Variants in KCNQ5 observed in about 807,000 individuals in gnomAD.
The protein encoded by KCNQ5 is potassium voltage-gated channel subfamily KQT member 5.
In KCNQ5, 30 loss-of-function variants were observed where a neutral mutation model predicts 98.2. That is an observed-to-expected ratio of 0.31 (90% CI 0.23 to 0.41). KCNQ5 has a LOEUF of 0.41. Among genes scored for constraint, KCNQ5 ranks in the 10% least tolerant of loss-of-function variants. The probability of loss-of-function intolerance (pLI) is 1.00; values close to 1 mark genes in which losing one functional copy is unlikely to be tolerated. For synonymous variants in KCNQ5, 458 were observed against 449.4 expected, an observed-to-expected ratio of 1.02 and a Z score of -0.24; for missense variants, 835 against 1,182.5, an observed-to-expected ratio of 0.71 and a Z score of 4.31.
Position 72,774,452 on chromosome 6 carries a change from G to A in KCNQ5, c.398+151865G>A, listed in dbSNP as rs554282459. ...ATTTCTTAAACTAAAACAAAGGGTAGAAACCAAAAAATAAGATGTGCTATA... is the reference window on the plus strand; with the variant it reads ...ATTTCTTAAACTAAAACAAAGGGTAAAAACCAAAAAATAAGATGTGCTATA... On this transcript the variant is annotated intron_variant, in intron 1 of 13. Coordinates refer to ENST00000370398, the MANE Select transcript of KCNQ5 (RefSeq NM_019842.4). Among the ~76,000 whole-genome samples, 3 of 152,036 alleles carry A rather than the reference G, an allele frequency of 2.0e-5. No individual in the cohort carries two copies. The East Asian group carries it at 5.8e-4, about 29-fold the overall frequency.
intron 3 of KCNQ5, among the ~76,000 whole-genome samples, chr6:73,067,245 G>T (rs1164393560): frequency 6.6e-6 from 1 of 152,104 alleles, no homozygotes; most frequent in Non-Finnish European, 1.5e-5. Context: ...TCTGGAAACA[G>T]AAATTAGTTT....
At chr6:72,680,796 T>G (rs1767666184) in intron 1 of KCNQ5, among the ~76,000 whole-genome samples, 1 of 152,216 alleles carries the variant, frequency 6.6e-6, no homozygotes, top group South Asian at 2.1e-4. Flanking sequence ...ACCAAGGTAG[T>G]GCTATGAAAC....
At chr6:72,975,813 T>G (rs1389564351) in intron 1 of KCNQ5, among the ~76,000 whole-genome samples, 1 of 152,174 alleles carries the variant, frequency 6.6e-6, no homozygotes, top group Non-Finnish European at 1.5e-5. Context: ...CTGGCTCAGT[T>G]TGGTTGCAAG....
At chr6:73,029,169 G>A (rs1335846962) in intron 2 of KCNQ5, among the ~76,000 whole-genome samples, 1 of 152,134 alleles carries the variant, frequency 6.6e-6, no homozygotes, top group Non-Finnish European at 1.5e-5. Context: ...TAAGAGTGAT[G>A]GCTTATGTAC....
intron 2 of KCNQ5, among the ~76,000 whole-genome samples, chr6:73,026,920 A>G (rs1162206797): frequency 6.6e-6 from 1 of 152,048 alleles, no homozygotes; most frequent in Non-Finnish European, 1.5e-5. Flanking sequence ...AGACCCCTCC[A>G]TGCTTCTATC....
intron 1 of KCNQ5, among the ~76,000 whole-genome samples, chr6:72,715,166 GA>G (rs1301777689): frequency 2.0e-5 from 3 of 152,164 alleles, no homozygotes; most frequent in African/African-American, 7.2e-5. Flanking sequence ...TAATTTGACA[GA>G]GGTAAGTGAG....
chr6:73,112,749 T>C (rs1441310557), intron 7 of KCNQ5, among the ~76,000 whole-genome samples: 2 of 151,952 alleles, frequency 1.3e-5, no homozygotes, highest in East Asian at 1.9e-4. Flanking sequence ...CTGTGATATA[T>C]GCAGTGCCTC....
chr6:72,711,448 G>A (rs1769366520), intron 1 of KCNQ5, among the ~76,000 whole-genome samples: 2 of 152,190 alleles, frequency 1.3e-5, no homozygotes, highest in African/African-American at 4.8e-5. Context: ...CATGTGAAAA[G>A]CACTTGGTGC....
chr6:72,708,707 A>G (rs1478038097), intron 1 of KCNQ5, among the ~76,000 whole-genome samples: 2 of 152,084 alleles, frequency 1.3e-5, no homozygotes, highest in Non-Finnish European at 2.9e-5. Context: ...TTTTTTGTAG[A>G]GACGGTGTCT....
chr6:72,789,402 T>C (rs1053217095), intron 1 of KCNQ5, among the ~76,000 whole-genome samples: 1 of 152,186 alleles, frequency 6.6e-6, no homozygotes, highest in South Asian at 2.1e-4. Context: ...TCAGCTTAAC[T>C]GAAACTGAAA....
chr6:72,842,833 C>T (rs574389021), intron 1 of KCNQ5, among the ~76,000 whole-genome samples: 5 of 151,716 alleles, frequency 3.3e-5, no homozygotes, highest in East Asian at 1.9e-4. Flanking sequence ...TGATGGGGCT[C>T]TTTGTGTTTT....
At chr6:72,736,764 G>T (rs1005650261) in intron 1 of KCNQ5, among the ~76,000 whole-genome samples, 3 of 151,836 alleles carry the variant, frequency 2.0e-5, no homozygotes, top group South Asian at 4.2e-4. Flanking sequence ...CTCCCAAAGT[G>T]CTGGGATTAC....
chr6:73,176,975 A>T (rs558859602), intron 11 of KCNQ5, among the ~76,000 whole-genome samples: 15 of 152,336 alleles, frequency 9.8e-5, no homozygotes, highest in African/African-American at 3.6e-4. Flanking sequence ...TAAGGCTCAC[A>T]AACAGGAGCT....
At chr6:72,787,230 A>T (rs1773804293) in intron 1 of KCNQ5, among the ~76,000 whole-genome samples, 1 of 152,144 alleles carries the variant, frequency 6.6e-6, no homozygotes, top group Non-Finnish European at 1.5e-5. Context: ...TTTTTGATGA[A>T]AATTGTACAA....
chr6:73,070,695 A>G (rs1158832472), intron 3 of KCNQ5, among the ~76,000 whole-genome samples: 2 of 152,198 alleles, frequency 1.3e-5, no homozygotes, highest in Non-Finnish European at 2.9e-5. Flanking sequence ...GTGATAAGCC[A>G]TATGTGCTTG....
At chr6:72,879,489 T>C (rs1180677357) in intron 1 of KCNQ5, among the ~76,000 whole-genome samples, 1 of 152,220 alleles carries the variant, frequency 6.6e-6, no homozygotes. Flanking sequence ...TCCTAAATGA[T>C]GTTTCATATT....
intron 1 of KCNQ5, among the ~76,000 whole-genome samples, chr6:72,846,464 AG>A (rs1162492956): frequency 2.6e-5 from 4 of 151,930 alleles, no homozygotes; most frequent in African/African-American, 9.7e-5. Context: ...GCTTGACCTC[AG>A]GAGTTTGAGA....
At chr6:72,828,423 C>T (rs1162444962) in intron 1 of KCNQ5, among the ~76,000 whole-genome samples, 3 of 151,918 alleles carry the variant, frequency 2.0e-5, no homozygotes, top group Admixed American at 6.6e-5. Flanking sequence ...TTGTAGGGTT[C>T]CTTATAGAGG....
chr6:72,823,001 T>C (rs576932465), intron 1 of KCNQ5, among the ~76,000 whole-genome samples: 1 of 152,224 alleles, frequency 6.6e-6, no homozygotes, highest in South Asian at 2.1e-4. Context: ...TGTGATCACA[T>C]TGGGCCCACC....
Sources: allele counts gnomAD v4.1 joint callset (sites outside exome capture counted in the v4.1 genomes callset), GRCh38; gene constraint gnomAD v4.1.1; transcripts MANE v1.5; gene names NCBI Gene and HGNC (gene_info 2026-07-23, HGNC 2026-07-21).